The following CTNNA2 variants were observed in gnomAD, a reference collection of about 807,000 sequenced individuals.
The protein encoded by CTNNA2 is catenin alpha-2.
Under a neutral mutation model 101.0 loss-of-function variants are expected in CTNNA2, and 42 were observed. The observed-to-expected ratio is 0.42, with a 90% confidence interval of 0.32 to 0.54. CTNNA2 has a LOEUF of 0.54. Among genes scored for constraint, CTNNA2 ranks in the 20% least tolerant of loss-of-function variants. CTNNA2 has a pLI of 0.14. For missense variants in CTNNA2, 871 were observed against 1,223.1 expected, an observed-to-expected ratio of 0.71 and a Z score of 4.29; for synonymous variants, 450 against 456.4, an observed-to-expected ratio of 0.99 and a Z score of 0.18.
intron 2 of CTNNA2, among the ~76,000 whole-genome samples, chr2:79,244,322 T>C (rs1044899072): frequency 3.9e-5 from 6 of 152,234 alleles, no homozygotes; most frequent in Admixed American, 2.0e-4. Flanking sequence ...CATGTGTACA[T>C]TATAGACAAA....
At chr2:80,025,245 T>C (rs1694859480) in intron 7 of CTNNA2, among the ~76,000 whole-genome samples, 1 of 152,100 alleles carries the variant, frequency 6.6e-6, no homozygotes, top group Admixed American at 6.5e-5. Context: ...AACAGAAATG[T>C]GAAGTTCTCA....
chr2:79,379,800 A>T (rs994906090), intron 4 of CTNNA2, among the ~76,000 whole-genome samples: 43 of 152,284 alleles, frequency 2.8e-4, no homozygotes, highest in African/African-American at 7.9e-4. Context: ...TTCAAAAAAA[A>T]TTTTTTAATA....
chr2:79,221,627 C>A (rs978961073), intron 2 of CTNNA2, among the ~76,000 whole-genome samples: 3 of 151,508 alleles, frequency 2.0e-5, no homozygotes, highest in African/African-American at 7.3e-5. Flanking sequence ...AAAAAACTGA[C>A]AAGTCTGTAT....
chr2:79,449,818 A>G (rs1206240303), intron 4 of CTNNA2, among the ~76,000 whole-genome samples: 1 of 152,016 alleles, frequency 6.6e-6, no homozygotes, highest in Non-Finnish European at 1.5e-5. Flanking sequence ...TAATCAACTA[A>G]ACTGAGGTCA....
intron 15 of CTNNA2, chr2:80,603,797 C>A: frequency 5.7e-6 from 2 of 353,472 alleles, no homozygotes; most frequent in South Asian, 4.2e-5. Flanking sequence ...ATTTTCATTT[C>A]TCTTGTGATG....
At chr2:79,570,672 C>T (rs1475519560) in intron 1 of CTNNA2, among the ~76,000 whole-genome samples, 1 of 151,990 alleles carries the variant, frequency 6.6e-6, no homozygotes, top group Non-Finnish European at 1.5e-5. Context: ...TTTAGAATAA[C>T]ATTTAGCTAT....
At chr2:80,147,226 A>G (rs1045180304) in intron 7 of CTNNA2, among the ~76,000 whole-genome samples, 4 of 152,082 alleles carry the variant, frequency 2.6e-5, no homozygotes, top group African/African-American at 9.7e-5. Flanking sequence ...TTGGCTTCCC[A>G]AAGTGCTGGG....
chr2:80,565,706 A>G (rs1009917586), intron 12 of CTNNA2, among the ~76,000 whole-genome samples: 3 of 152,108 alleles, frequency 2.0e-5, no homozygotes, highest in Admixed American at 1.3e-4. Context: ...TAATCATCTG[A>G]CATGCATCCT....
chr2:80,247,989 T>G (rs900812471), intron 7 of CTNNA2, among the ~76,000 whole-genome samples: 2 of 152,076 alleles, frequency 1.3e-5, no homozygotes, highest in African/African-American at 2.4e-5. Context: ...CCTTTAAAAT[T>G]GGTACCTCTA....
intron 1 of CTNNA2, among the ~76,000 whole-genome samples, chr2:79,612,004 C>A (rs1678309203): frequency 6.6e-6 from 1 of 152,120 alleles, no homozygotes; most frequent in African/African-American, 2.4e-5. Flanking sequence ...GTTGCTAGAA[C>A]CCTGCAGAAT....
In CTNNA2 at chr2:79,187,235, TTTTTCTTTTCTTTTC is replaced by T. The variant is rs772642908; in HGVS notation, c.-524+1829_-524+1843del. ...TATGCTTTTTATTCTAAGACACTTCTTTTTCTTTTCTTTTCTTTTCTTTTCTTTTCTTTTCTTTTT... is the reference window on the plus strand; with the variant it reads ...TATGCTTTTTATTCTAAGACACTTCTTTTTCTTTTCTTTTCTTTTCTTTTT... On this transcript the variant is annotated intron_variant, in intron 1 of 21. Transcript: ENST00000466387. 7.9e-4 allele frequency among the ~76,000 whole-genome samples: 97 copies of T among 123,298 alleles called. 1 individual carries two copies. The highest frequency in any genetic ancestry group is 4.7e-3 in the East Asian group (19 of 4,046). 80.9% of individuals were successfully genotyped at this position (123,298 alleles called of 152,430 possible). A position where few individuals can be genotyped will look rare whatever the true frequency, so the allele number is the denominator to read the frequency against.
intron 13 of CTNNA2, among the ~76,000 whole-genome samples, chr2:80,577,641 C>T (rs1695168458): frequency 7.1e-6 from 1 of 141,468 alleles, no homozygotes; most frequent in Non-Finnish European, 1.5e-5. Flanking sequence ...CAGGCCAGGC[C>T]AGACTTGCTG....
intron 2 of CTNNA2, among the ~76,000 whole-genome samples, chr2:79,716,595 A>C (rs575947734): frequency 6.6e-6 from 1 of 152,272 alleles, no homozygotes; most frequent in African/African-American, 2.4e-5. Flanking sequence ...TGCTGAGGTT[A>C]ATGGTAGTCT....
chr2:80,089,039 A>G (rs1699617940), intron 7 of CTNNA2, among the ~76,000 whole-genome samples: 1 of 151,934 alleles, frequency 6.6e-6, no homozygotes, highest in Non-Finnish European at 1.5e-5. Context: ...TCCTGATTAC[A>G]CCAGACAAAC....
At chr2:79,232,824 G>A (rs530983709) in intron 2 of CTNNA2, among the ~76,000 whole-genome samples, 37 of 152,148 alleles carry the variant, frequency 2.4e-4, no homozygotes, top group Admixed American at 7.2e-4. Context: ...ATTTTTATGC[G>A]TGGAGGTGTT....
chr2:79,384,768 T>G (rs1369927227), intron 4 of CTNNA2, among the ~76,000 whole-genome samples: 1 of 152,170 alleles, frequency 6.6e-6, no homozygotes, highest in African/African-American at 2.4e-5. Context: ...GTCAAAATTC[T>G]ACCCGTGCTC....
At chr2:79,725,540 G>A (rs13034239) in intron 2 of CTNNA2, among the ~76,000 whole-genome samples, 30,254 of 151,998 alleles carry the variant, frequency 0.2, 3,199 homozygotes, top group Non-Finnish European at 0.25. Flanking sequence ...AATGATAAAG[G>A]GATAACATAA....
intron 9 of CTNNA2, among the ~76,000 whole-genome samples, chr2:80,456,385 A>C (rs1683980016): frequency 6.6e-6 from 1 of 152,166 alleles, no homozygotes; most frequent in Non-Finnish European, 1.5e-5. Flanking sequence ...CATTCCAGGA[A>C]TCACCAGCAA....
chr2:79,951,970 T>G (rs572136471), intron 7 of CTNNA2, among the ~76,000 whole-genome samples: 2 of 152,184 alleles, frequency 1.3e-5, no homozygotes, highest in African/African-American at 4.8e-5. Context: ...GCTCATTTCA[T>G]AGGCCATGCT....
Sources: allele counts gnomAD v4.1 joint callset (sites outside exome capture counted in the v4.1 genomes callset), GRCh38; gene constraint gnomAD v4.1.1; transcripts MANE v1.5; gene names NCBI Gene and HGNC (gene_info 2026-07-23, HGNC 2026-07-21).